RIMS1: variants seen among roughly 807,000 people sequenced by gnomAD.
The protein encoded by RIMS1 is regulating synaptic membrane exocytosis 1, also known as regulating synaptic membrane exocytosis protein 1.
A neutral mutation model predicts 214.1 loss-of-function variants in RIMS1; 83 were observed. The observed-to-expected ratio is 0.39, with a 90% CI of 0.32 to 0.47. The LOEUF (loss-of-function observed/expected upper bound fraction) is 0.47, where lower values mean the gene tolerates loss of function less well. RIMS1 is among the 20% of genes least tolerant of loss of function. The pLI, the probability that RIMS1 is intolerant of heterozygous loss-of-function variation, is 0.99. For missense variants in RIMS1, 2,050 were observed against 2,161.8 expected (o/e 0.95, Z 1.03); for synonymous variants, 793 against 786.8 (o/e 1.01, Z -0.13).
chr6:71,965,321 G>A (rs1429641877), intron 1 of RIMS1, among the ~76,000 whole-genome samples: 2 of 152,088 alleles, frequency 1.3e-5, no homozygotes, highest in Non-Finnish European at 2.9e-5. Context: ...GAGGGTAGAA[G>A]GTAGTGATTG....
At chr6:72,111,120 C>G (rs1220191606) in intron 4 of RIMS1, among the ~76,000 whole-genome samples, 1 of 152,154 alleles carries the variant, frequency 6.6e-6, no homozygotes, top group Non-Finnish European at 1.5e-5. Context: ...TGTATAAAGA[C>G]ATGGATAATT....
At chr6:71,912,172 A>C (rs962255927) in intron 1 of RIMS1, among the ~76,000 whole-genome samples, 1 of 152,166 alleles carries the variant, frequency 6.6e-6, no homozygotes, top group Non-Finnish European at 1.5e-5. Context: ...ATGGAACTTA[A>C]CCCTGCCTCT....
chr6:72,220,477 G>A (rs1420960424), intron 6 of RIMS1, among the ~76,000 whole-genome samples: 1 of 152,040 alleles, frequency 6.6e-6, no homozygotes, highest in Non-Finnish European at 1.5e-5. Flanking sequence ...CAACAAAGAA[G>A]TACTTGACAT....
At chr6:72,245,903 A>C in intron 11 of RIMS1, 42 bp downstream of exon 11, 1 of 1,344,962 alleles carries the variant, frequency 7.4e-7, no homozygotes, top group Non-Finnish European at 1.1e-6. Context: ...GTATTGAACT[A>C]ATTGAAAGTA....
intron 6 of RIMS1, among the ~76,000 whole-genome samples, chr6:72,208,520 T>C (rs1421900178): frequency 7.2e-5 from 11 of 152,166 alleles, no homozygotes; most frequent in African/African-American, 2.7e-4. Flanking sequence ...TTCTGACATG[T>C]TTTTTGTCTT....
At chr6:72,315,211 A>G (rs1372269830) in intron 28 of RIMS1, among the ~76,000 whole-genome samples, 1 of 152,216 alleles carries the variant, frequency 6.6e-6, no homozygotes, top group Non-Finnish European at 1.5e-5. Flanking sequence ...TAACCATATC[A>G]TGACAAGAAG....
intron 1 of RIMS1, among the ~76,000 whole-genome samples, chr6:71,953,394 T>G (rs1160520319): frequency 6.6e-6 from 1 of 152,182 alleles, no homozygotes; most frequent in East Asian, 1.9e-4. Context: ...TAAATACACC[T>G]TGGCTACTGT....
chr6:72,224,288 C>G (rs982614774), intron 6 of RIMS1, among the ~76,000 whole-genome samples: 2 of 152,182 alleles, frequency 1.3e-5, no homozygotes, highest in Non-Finnish European at 2.9e-5. Flanking sequence ...ATAGCCCTCA[C>G]AAAGACTTCT....
intron 4 of RIMS1, among the ~76,000 whole-genome samples, chr6:72,168,281 G>C (rs139655835): frequency 1.3e-5 from 2 of 152,174 alleles, no homozygotes; most frequent in African/African-American, 4.8e-5. Context: ...CAGATGAAGA[G>C]ACTAAGGCAA....
intron 6 of RIMS1, among the ~76,000 whole-genome samples, chr6:72,214,566 G>T (rs1244802739): frequency 6.6e-6 from 1 of 152,086 alleles, no homozygotes; most frequent in Non-Finnish European, 1.5e-5. Context: ...TTTGAAGTAA[G>T]CCCATACTGG....
At chr6:72,338,711 C>T (rs1050961733) in intron 29 of RIMS1, among the ~76,000 whole-genome samples, 8 of 151,610 alleles carry the variant, frequency 5.3e-5, no homozygotes, top group East Asian at 3.9e-4. Flanking sequence ...ACACACAAGA[C>T]ATACTATTCC....
chr6:72,053,545 A>G (rs1825298233), intron 2 of RIMS1, among the ~76,000 whole-genome samples: 1 of 152,118 alleles, frequency 6.6e-6, no homozygotes, highest in African/African-American at 2.4e-5. Context: ...ATCTACCTAG[A>G]GTGTTTTTGG....
At chr6:72,210,936 CAG>C (rs2053697340) in intron 6 of RIMS1, among the ~76,000 whole-genome samples, 1 of 152,062 alleles carries the variant, frequency 6.6e-6, no homozygotes, top group Non-Finnish European at 1.5e-5. Flanking sequence ...GAAGAAATAA[CAG>C]AATGAAATAT....
At chr6:72,162,175 G>T (rs2045535344) in intron 4 of RIMS1, among the ~76,000 whole-genome samples, 2 of 139,952 alleles carry the variant, frequency 1.4e-5, no homozygotes, top group South Asian at 4.8e-4. Flanking sequence ...CTTTGTTGGT[G>T]GAAAGTCTGT....
chr6:71,960,869 G>T (rs926175409), intron 1 of RIMS1, among the ~76,000 whole-genome samples: 1 of 152,046 alleles, frequency 6.6e-6, no homozygotes, highest in Non-Finnish European at 1.5e-5. Flanking sequence ...TTCCTGTAGA[G>T]AAGCTGGGTA....
At chr6:72,224,875 A>G (rs946871513) in intron 6 of RIMS1, among the ~76,000 whole-genome samples, 1 of 152,192 alleles carries the variant, frequency 6.6e-6, no homozygotes, top group African/African-American at 2.4e-5. Flanking sequence ...AGTGACTGCA[A>G]TGTTTTGCAA....
intron 31 of RIMS1, among the ~76,000 whole-genome samples, chr6:72,396,984 A>G (rs1226279226): frequency 1.3e-5 from 2 of 152,148 alleles, no homozygotes; most frequent in South Asian, 2.1e-4. Flanking sequence ...CTGCACTCCA[A>G]CCTGGACGAC....
At position 72,398,223 on chromosome 6, in the gene RIMS1, C is replaced by T. The variant is rs1285440550; in HGVS notation, c.4619-26C>T. The T allele has an allele frequency of 2.1e-6, 3 of 1,440,562 alleles. No individual in the cohort carries two copies. The East Asian group carries it at 7.0e-5, about 34-fold the overall frequency. 89.2% of individuals were successfully genotyped at this position (1,440,562 alleles called of 1,614,324 possible). ...GCACATAACTGCAAAGAAGCTGAAA[C>T]ACATCTTGCTCCTTTCCATTTGCAG... On this transcript the variant is annotated intron_variant, in intron 31 of 33. Transcript: ENST00000521978.
intron 27 of RIMS1, 76 bp downstream of exon 27, chr6:72,307,446 C>T: frequency 1.1e-6 from 1 of 924,254 alleles, no homozygotes; most frequent in Non-Finnish European, 1.6e-6. Context: ...GATTAGAAAG[C>T]ACCGAATTAT....
Sources: gnomAD v4.1 joint callset for allele counts (sites outside exome capture counted in the v4.1 genomes callset) on GRCh38, gnomAD v4.1.1 for gene constraint, MANE v1.5 for transcripts, NCBI Gene and HGNC (gene_info 2026-07-23, HGNC 2026-07-21) for gene names.